Variants in GTF2F2 observed in about 807,000 individuals in gnomAD.
GTF2F2 encodes the protein ATP-dependent helicase GTF2F2.
GTF2F2 carries 23 observed loss-of-function variants against 42.2 expected under a neutral mutation model. That is an observed-to-expected ratio of 0.55 (90% CI 0.39 to 0.77). The LOEUF is 0.77. Ranked by LOEUF, GTF2F2 falls within the 30% of genes least tolerant of loss-of-function variation. The pLI, the probability that GTF2F2 is intolerant of heterozygous loss-of-function variation, is 0.00. For missense variants in GTF2F2, 261 were observed against 287.2 expected (o/e 0.91, Z 0.66); for synonymous variants, 105 against 100.8 (o/e 1.04, Z -0.25).
intron 5 of GTF2F2, among the ~76,000 whole-genome samples, chr13:45,227,192 G>T (rs1260463734): frequency 1.3e-5 from 2 of 151,840 alleles, no homozygotes; most frequent in Non-Finnish European, 2.9e-5. Context: ...TCTCTTTAAG[G>T]TATATAATTA....
chr13:45,161,460 T>C (rs1297174399), intron 4 of GTF2F2, among the ~76,000 whole-genome samples: 1 of 152,116 alleles, frequency 6.6e-6, no homozygotes, highest in Non-Finnish European at 1.5e-5. Flanking sequence ...GCCTACCTAA[T>C]AGAGACACTC....
intron 3 of GTF2F2, among the ~76,000 whole-genome samples, chr13:45,151,205 A>T (rs1870474650): frequency 6.6e-6 from 1 of 152,064 alleles, no homozygotes; most frequent in Non-Finnish European, 1.5e-5. Context: ...TTTAGTTCCC[A>T]CTTGTAAGTG....
intron 2 of GTF2F2, among the ~76,000 whole-genome samples, chr13:45,147,173 T>G (rs1870235799): frequency 6.6e-6 from 1 of 152,196 alleles, no homozygotes; most frequent in African/African-American, 2.4e-5. Context: ...TTAATTCATC[T>G]TTTTTCCTAT....
chr13:45,212,447 G>GTTTCTTTCTTTCTTTTCTTTTTTC (rs1555269186), intron 5 of GTF2F2, among the ~76,000 whole-genome samples: 5 of 45,678 alleles, frequency 1.1e-4, no homozygotes, highest in South Asian at 7.1e-4. Context: ...TTTCTTTCTT[G>GTTTCTTTCTTTCTTTTCTTTTTTC]TTTCTTTCTT....
intron 7 of GTF2F2, among the ~76,000 whole-genome samples, chr13:45,269,654 C>G (rs946325685): frequency 6.6e-6 from 1 of 152,104 alleles, no homozygotes; most frequent in Non-Finnish European, 1.5e-5. Context: ...TGGAAAGAAC[C>G]TGGATTTGGA....
chr13:45,136,622 T>C lies in GTF2F2; in HGVS notation c.67-111T>C, dbSNP rs566387212. ...TGTAAAACATACAGTAGTAACTTGA[T>C]AATGATCCCTTATTAGAGGCAGAAA... On this transcript the variant is annotated intron_variant, in intron 1 of 7. Coordinates refer to ENST00000340473, the MANE Select transcript of GTF2F2 (RefSeq NM_004128.3). 4.8e-6 allele frequency: 3 copies of C among 627,732 alleles called. No individual in the cohort carries two copies. In the Admixed American group the frequency reaches 8.9e-5, roughly 19 times the overall value. 38.9% of individuals were successfully genotyped at this position (627,732 alleles called of 1,614,324 possible).
chr13:45,155,415 C>A (rs1353148194), intron 4 of GTF2F2, among the ~76,000 whole-genome samples: 2 of 152,126 alleles, frequency 1.3e-5, no homozygotes, highest in Admixed American at 1.3e-4. Flanking sequence ...AAACTTGAAA[C>A]CACATTTTAG....
At chr13:45,191,209 A>T (rs1294826140) in intron 4 of GTF2F2, among the ~76,000 whole-genome samples, 1 of 112,336 alleles carries the variant, frequency 8.9e-6, no homozygotes, top group South Asian at 2.6e-4. Context: ...GTCTCTACTA[A>T]AAATACAAAA....
chr13:45,246,898 C>G (rs541430875), intron 5 of GTF2F2, among the ~76,000 whole-genome samples: 1 of 151,674 alleles, frequency 6.6e-6, no homozygotes, highest in Admixed American at 6.6e-5. Flanking sequence ...ATTAGCCTGG[C>G]GTGGTGGCGG....
At chr13:45,155,858 T>C (rs1447911517) in intron 4 of GTF2F2, among the ~76,000 whole-genome samples, 1 of 152,238 alleles carries the variant, frequency 6.6e-6, no homozygotes, top group Non-Finnish European at 1.5e-5. Flanking sequence ...TTTCCCTGCC[T>C]TGGGTCTTCA....
intron 4 of GTF2F2, among the ~76,000 whole-genome samples, chr13:45,168,825 T>C (rs184955950): frequency 4.2e-4 from 55 of 131,976 alleles, no homozygotes; most frequent in African/African-American, 5.2e-4. Context: ...CCTTCCTTCC[T>C]TCCCTCCCTC....
chr13:45,153,265 G>A (rs547409413), intron 4 of GTF2F2, among the ~76,000 whole-genome samples: 11 of 151,680 alleles, frequency 7.3e-5, no homozygotes, highest in South Asian at 4.2e-4. Context: ...TGATCCGCCC[G>A]CCTCGGCCTC....
intron 4 of GTF2F2, chr13:45,193,643 A>C: frequency 2.9e-6 from 2 of 683,858 alleles, no homozygotes; most frequent in South Asian, 4.6e-5. Flanking sequence ...TAGAATTTAC[A>C]TACCGTTAGC....
At chr13:45,228,669 C>CTTTTTTTTTTTTTTTT (rs57570023) in intron 5 of GTF2F2, among the ~76,000 whole-genome samples, 1 of 108,300 alleles carries the variant, frequency 9.2e-6, no homozygotes, top group African/African-American at 4.8e-5. Context: ...CAGAGTTAAT[C>CTTTTTTTTTTTTTTTT]TTTTTTTTTT....
At chr13:45,125,598 C>T (rs183375874) in intron 1 of GTF2F2, among the ~76,000 whole-genome samples, 10 of 152,008 alleles carry the variant, frequency 6.6e-5, no homozygotes, top group Non-Finnish European at 1.3e-4. Flanking sequence ...CTGGGATTAC[C>T]GGTGTGAGCC....
At chr13:45,189,379 T>C (rs1052443616) in intron 4 of GTF2F2, among the ~76,000 whole-genome samples, 4 of 152,208 alleles carry the variant, frequency 2.6e-5, no homozygotes, top group Non-Finnish European at 4.4e-5. Flanking sequence ...GCATGTGTCT[T>C]TATAGCAGCA....
At chr13:45,154,596 G>A (rs1350642491) in intron 4 of GTF2F2, among the ~76,000 whole-genome samples, 1 of 152,070 alleles carries the variant, frequency 6.6e-6, no homozygotes, top group African/African-American at 2.4e-5. Flanking sequence ...CATTATTTCT[G>A]TTTCAAGTCA....
chr13:45,139,869 G>T (rs749764478), intron 2 of GTF2F2, among the ~76,000 whole-genome samples: 12 of 152,122 alleles, frequency 7.9e-5, no homozygotes, highest in Non-Finnish European at 1.3e-4. Flanking sequence ...GGAGATTGGT[G>T]TCTGGCATGC....
intron 1 of GTF2F2, among the ~76,000 whole-genome samples, chr13:45,131,634 G>A (rs1166884689): frequency 6.6e-6 from 1 of 151,980 alleles, no homozygotes. Context: ...GACCAGGCAC[G>A]GTGGCTCATG....
Sources: allele counts gnomAD v4.1 joint callset (sites outside exome capture counted in the v4.1 genomes callset), GRCh38; gene constraint gnomAD v4.1.1; transcripts MANE v1.5; gene names NCBI Gene and HGNC (gene_info 2026-07-23, HGNC 2026-07-21).